The following PTPRZ1 variants were observed in gnomAD, a reference collection of about 807,000 sequenced individuals.
The protein encoded by PTPRZ1 is protein tyrosine phosphatase receptor type Z1.
PTPRZ1 carries 82 observed loss-of-function variants against 214.1 expected under a neutral mutation model. That is an observed-to-expected ratio of 0.38 (90% confidence interval 0.32 to 0.46). The LOEUF is 0.46. PTPRZ1 is among the 20% of genes least tolerant of loss of function. The pLI, the probability that PTPRZ1 is intolerant of heterozygous loss-of-function variation, is 1.00. For synonymous variants in PTPRZ1, 945 were observed against 987.9 expected (o/e 0.96, Z 0.81); for missense variants, 2,603 against 2,748.7 (o/e 0.95, Z 1.19).
chr7:121,875,338 A>G (rs769927175), intron 1 of PTPRZ1, among the ~76,000 whole-genome samples: 1 of 152,196 alleles, frequency 6.6e-6, no homozygotes, highest in East Asian at 1.9e-4. Context: ...TTCACTTGGC[A>G]TAATGTTTTC....
chr7:121,961,551 G>A (rs972795803), intron 2 of PTPRZ1, among the ~76,000 whole-genome samples: 7 of 152,084 alleles, frequency 4.6e-5, no homozygotes, highest in African/African-American at 1.7e-4. Context: ...CCACCCTTCT[G>A]GAATGTAATA....
chr7:121,941,014 T>C (rs1180109417), intron 2 of PTPRZ1, among the ~76,000 whole-genome samples: 1 of 152,194 alleles, frequency 6.6e-6, no homozygotes, highest in African/African-American at 2.4e-5. Context: ...CTGACTCTTC[T>C]TTTCTGCAGG....
intron 1 of PTPRZ1, among the ~76,000 whole-genome samples, chr7:121,916,028 C>A (rs1003849256): frequency 1.3e-5 from 2 of 152,094 alleles, no homozygotes; most frequent in Non-Finnish European, 2.9e-5. Flanking sequence ...GTAATCCCAG[C>A]ACTTTGGGAG....
At chr7:121,907,582 T>A (rs1203776336) in intron 1 of PTPRZ1, among the ~76,000 whole-genome samples, 2 of 152,032 alleles carry the variant, frequency 1.3e-5, no homozygotes, top group African/African-American at 4.8e-5. Flanking sequence ...ATATTTTAAA[T>A]GATTAGAAAA....
At chr7:121,886,823 T>C (rs1440593458) in intron 1 of PTPRZ1, among the ~76,000 whole-genome samples, 1 of 152,060 alleles carries the variant, frequency 6.6e-6, no homozygotes, top group African/African-American at 2.4e-5. Flanking sequence ...GAGAAAATAA[T>C]GAACAAAATT....
At chr7:121,898,780 C>G (rs1794878307) in intron 1 of PTPRZ1, among the ~76,000 whole-genome samples, 1 of 152,122 alleles carries the variant, frequency 6.6e-6, no homozygotes, top group Admixed American at 6.6e-5. Flanking sequence ...CATATACTTA[C>G]TTAAAATCTA....
chr7:121,971,277 A>C (rs1002699339), intron 3 of PTPRZ1, among the ~76,000 whole-genome samples: 1 of 152,208 alleles, frequency 6.6e-6, no homozygotes, highest in Non-Finnish European at 1.5e-5. Flanking sequence ...TAAACAATAA[A>C]ATGTGCTAGG....
chr7:121,916,288 A>G (rs1475663333), intron 1 of PTPRZ1, among the ~76,000 whole-genome samples: 1 of 151,824 alleles, frequency 6.6e-6, no homozygotes, highest in African/African-American at 2.4e-5. Context: ...AAAAAAAAAA[A>G]AAGTTCATTT....
intron 1 of PTPRZ1, 67 bp from the exon 2 acceptor site, chr7:121,928,089 T>C: frequency 1.8e-6 from 2 of 1,093,322 alleles, no homozygotes; most frequent in Non-Finnish European, 2.8e-6. Context: ...ATGAATAATT[T>C]GGGCATCTTT....
At chr7:122,009,053 T>C (rs1798569319) in intron 11 of PTPRZ1, among the ~76,000 whole-genome samples, 1 of 152,102 alleles carries the variant, frequency 6.6e-6, no homozygotes, top group African/African-American at 2.4e-5. Context: ...TACTGACTAC[T>C]TGTAAGGAAA....
At chr7:121,996,330 C>G in intron 8 of PTPRZ1, 52 bp from the exon 9 acceptor site, 1 of 1,286,338 alleles carries the variant, frequency 7.8e-7, no homozygotes, top group Non-Finnish European at 1.1e-6. Context: ...TTTATTTATT[C>G]AAGTCCTCAA....
In PTPRZ1 at chr7:122,058,896, A is replaced by C. The variant is rs1455429325; in HGVS notation, c.6625A>C (p.Lys2209Gln). 1 of 1,594,378 alleles carries C rather than the reference A, an allele frequency of 6.3e-7. No homozygotes were observed. The highest frequency in any genetic ancestry group is 1.3e-5 in the African/African-American group (1 of 74,406). ...SKTFELISVIKEEAANRDGPM... is the reference protein window; with the variant it reads ...SKTFELISVIQEEAANRDGPM... ...AACTTTTGAACTTATAAGTGTTATAAAAGAAGAAGCTGCCAATAGGGATGG... is the reference window on the plus strand; with the variant it reads ...AACTTTTGAACTTATAAGTGTTATACAAGAAGAAGCTGCCAATAGGGATGG... Residue 2209 changes from lysine (K) to glutamine (Q), a missense_variant, in exon 28 of 30, where the codon AAA (lysine) becomes CAA (glutamine). Physicochemically the swap from Lys to Gln is moderately conservative, Grantham distance 53 (BLOSUM62 1). Around this residue, in one of 6 missense-constraint regions of PTPRZ1, gnomAD observed 165 missense variants for 151.4 expected, o/e 1.09. Coordinates refer to ENST00000393386, the MANE Select transcript of PTPRZ1 (RefSeq NM_002851.3).
At chr7:122,038,423 C>T (rs1799613592) in intron 18 of PTPRZ1, among the ~76,000 whole-genome samples, 1 of 150,458 alleles carries the variant, frequency 6.6e-6, no homozygotes, top group South Asian at 2.1e-4. Context: ...TGATTTTAAG[C>T]ATAGCAAGTA....
intron 3 of PTPRZ1, among the ~76,000 whole-genome samples, chr7:121,971,499 A>C (rs755448496): frequency 6.6e-6 from 1 of 152,112 alleles, no homozygotes; most frequent in East Asian, 1.9e-4. Flanking sequence ...GAGCTAATAG[A>C]GCCACATTAC....
chr7:122,004,346 G>A (rs1798416463), intron 10 of PTPRZ1, among the ~76,000 whole-genome samples: 1 of 152,020 alleles, frequency 6.6e-6, no homozygotes, highest in Admixed American at 6.6e-5. Context: ...CAGACTTAGG[G>A]GCAGGGGAAA....
At chr7:121,912,100 G>A (rs908643606) in intron 1 of PTPRZ1, among the ~76,000 whole-genome samples, 13 of 152,128 alleles carry the variant, frequency 8.5e-5, no homozygotes, top group Admixed American at 3.3e-4. Flanking sequence ...GAAGATGTCC[G>A]TAATTGAACA....
chr7:121,944,529 T>C (rs1304128363), intron 2 of PTPRZ1, among the ~76,000 whole-genome samples: 1 of 152,212 alleles, frequency 6.6e-6, no homozygotes, highest in Non-Finnish European at 1.5e-5. Flanking sequence ...AAAGTTGTTA[T>C]TCATTCTTTG....
At chr7:121,910,498 A>G (rs1031334915) in intron 1 of PTPRZ1, among the ~76,000 whole-genome samples, 1 of 152,070 alleles carries the variant, frequency 6.6e-6, no homozygotes, top group Non-Finnish European at 1.5e-5. Context: ...ATATATATAT[A>G]TGAAACATAT....
intron 8 of PTPRZ1, among the ~76,000 whole-genome samples, chr7:121,996,058 A>G (rs1179608644): frequency 1.3e-5 from 2 of 152,340 alleles, no homozygotes; most frequent in African/African-American, 4.8e-5. Context: ...AAGTATGCAA[A>G]TAATGCAGTA....
Sources: gnomAD v4.1 joint callset for allele counts (sites outside exome capture counted in the v4.1 genomes callset) on GRCh38, gnomAD v4.1.1 for gene constraint, gnomAD v4.1.1 regional missense constraint, MANE v1.5 for transcripts, NCBI Gene and HGNC (gene_info 2026-07-23, HGNC 2026-07-21) for gene names.